Variants in ABTB3 observed in about 807,000 individuals in gnomAD.
ABTB3 encodes the protein ankyrin repeat- and BTB/POZ domain-containing protein 3.
chr12:107,581,107 G>C, the ABTB3 span: 3 of 1,546,086 alleles, frequency 1.9e-6, no homozygotes, highest in Non-Finnish European at 1.7e-6. Context: ...CCCTGCCTCC[G>C]GGGAGGCCCT....
the ABTB3 span, among the ~76,000 whole-genome samples, chr12:107,391,913 T>C: frequency 1.3e-5 from 2 of 152,186 alleles, no homozygotes; most frequent in Non-Finnish European, 2.9e-5. Context: ...CAATAGTTTC[T>C]CAGGAACACT....
chr12:107,610,619 G>A, the ABTB3 span, among the ~76,000 whole-genome samples: 7 of 152,150 alleles, frequency 4.6e-5, no homozygotes, highest in African/African-American at 1.2e-4. Context: ...TTCCAGAAAG[G>A]AAATAATGCC....
the ABTB3 span, among the ~76,000 whole-genome samples, chr12:107,350,111 T>C: frequency 1.3e-5 from 2 of 152,232 alleles, no homozygotes; most frequent in Non-Finnish European, 2.9e-5. Flanking sequence ...AGGCAAAGGA[T>C]AACCTTTGTT....
At chr12:107,557,364 A>T in the ABTB3 span, among the ~76,000 whole-genome samples, 1 of 152,340 alleles carries the variant, frequency 6.6e-6, no homozygotes, top group East Asian at 1.9e-4. Flanking sequence ...AAGCTGCAAT[A>T]AAAATGCAGT....
chr12:107,352,014 T>A, the ABTB3 span, among the ~76,000 whole-genome samples: 27 of 152,290 alleles, frequency 1.8e-4, no homozygotes, highest in South Asian at 6.2e-4. Flanking sequence ...ACTAATTAAT[T>A]AATTCACTTA....
At chr12:107,614,217 C>T in the ABTB3 span, among the ~76,000 whole-genome samples, 2 of 152,214 alleles carry the variant, frequency 1.3e-5, no homozygotes, top group African/African-American at 4.8e-5. Flanking sequence ...CCCTGGCCTT[C>T]AGCTGCCCTG....
chr12:107,641,979 G>C, the ABTB3 span: 2 of 983,598 alleles, frequency 2.0e-6, no homozygotes, highest in Admixed American at 1.7e-5. Flanking sequence ...CTATATTTCA[G>C]ATTTGCAGGG....
At chr12:107,437,315 T>G in the ABTB3 span, among the ~76,000 whole-genome samples, 1 of 152,178 alleles carries the variant, frequency 6.6e-6, no homozygotes, top group South Asian at 2.1e-4. Flanking sequence ...CTGGGGCCAC[T>G]GGCATTGCTC....
the ABTB3 span, among the ~76,000 whole-genome samples, chr12:107,411,691 T>G: frequency 6.6e-6 from 1 of 152,226 alleles, no homozygotes; most frequent in South Asian, 2.1e-4. Flanking sequence ...CCTCATGAGC[T>G]ATACAGATTT....
At chr12:107,630,662 G>A in the ABTB3 span, among the ~76,000 whole-genome samples, 6 of 151,198 alleles carry the variant, frequency 4.0e-5, no homozygotes, top group African/African-American at 7.3e-5. Context: ...GGCGGGCCCC[G>A]AGCTCCTGGG....
the ABTB3 span, among the ~76,000 whole-genome samples, chr12:107,583,631 A>G: frequency 6.6e-6 from 1 of 152,144 alleles, no homozygotes; most frequent in Non-Finnish European, 1.5e-5. Flanking sequence ...CTCAGGGGCC[A>G]CTGTCCATCT....
the ABTB3 span, among the ~76,000 whole-genome samples, chr12:107,437,584 T>C: frequency 6.6e-6 from 1 of 151,960 alleles, no homozygotes; most frequent in African/African-American, 2.4e-5. Flanking sequence ...TGTTTTTTAG[T>C]AAAGACGGGG....
chr12:107,414,557 A>T, the ABTB3 span, among the ~76,000 whole-genome samples: 1 of 152,050 alleles, frequency 6.6e-6, no homozygotes, highest in Non-Finnish European at 1.5e-5. Context: ...TTCCTTCTTA[A>T]ACGTTTAGAG....
At chr12:107,447,123 C>T in the ABTB3 span, among the ~76,000 whole-genome samples, 3 of 152,168 alleles carry the variant, frequency 2.0e-5, no homozygotes, top group Non-Finnish European at 2.9e-5. Flanking sequence ...ATAAAACAGG[C>T]GGAGGCCATG....
chr12:107,482,145 A>G, the ABTB3 span, among the ~76,000 whole-genome samples: 1 of 152,104 alleles, frequency 6.6e-6, no homozygotes, highest in Admixed American at 6.6e-5. Flanking sequence ...AAGGGGGAGT[A>G]GACACTGGAT....
chr12:107,407,015 T>G, the ABTB3 span, among the ~76,000 whole-genome samples: 59 of 152,166 alleles, frequency 3.9e-4, no homozygotes, highest in South Asian at 8.3e-4. Context: ...CCACTTAATC[T>G]TTCCCTTCCT....
chr12:107,653,357 A>C, the ABTB3 span, among the ~76,000 whole-genome samples: 2 of 152,100 alleles, frequency 1.3e-5, no homozygotes, highest in African/African-American at 4.8e-5. Context: ...TCTACTAAAA[A>C]TACAAAAAAA....
chr12:107,578,462 G>A, the ABTB3 span, among the ~76,000 whole-genome samples: 5 of 126,998 alleles, frequency 3.9e-5, no homozygotes, highest in Non-Finnish European at 7.7e-5. Context: ...CCTGGGCCTC[G>A]CTTGGCATCT....
chr12:107,491,900 T>A, the ABTB3 span, among the ~76,000 whole-genome samples: 1 of 151,016 alleles, frequency 6.6e-6, no homozygotes, highest in Admixed American at 6.6e-5. Context: ...GAGAAGATTA[T>A]AAAAGGGAGT....
Sources: allele counts gnomAD v4.1 joint callset (sites outside exome capture counted in the v4.1 genomes callset), GRCh38; gene constraint gnomAD v4.1.1; transcripts MANE v1.5; gene names NCBI Gene and HGNC (gene_info 2026-07-23, HGNC 2026-07-21).